Variants in NBAS observed in about 807,000 individuals in gnomAD.
The protein encoded by NBAS is NAG/BC035112 fusion.
Under a neutral mutation model 302.5 loss-of-function variants are expected in NBAS, and 219 were observed. The ratio of observed to expected loss-of-function variants is 0.72; its 90% CI spans 0.65 to 0.81. The LOEUF is 0.81. Ranked by LOEUF, NBAS falls within the 30% of genes least tolerant of loss-of-function variation. The probability of loss-of-function intolerance (pLI) is 0.00; values close to 1 mark genes in which losing one functional copy is unlikely to be tolerated. For synonymous variants in NBAS, 1,118 were observed against 1,021.6 expected (o/e 1.09, Z -1.80); for missense variants, 2,932 against 2,841.6 (o/e 1.03, Z -0.72).
chr2:15,353,849 A>G lies in NBAS; in HGVS notation c.3932-139T>C, dbSNP rs868506489. The G allele has an allele frequency of 2.3e-5, 24 of 1,030,236 alleles. No homozygotes were observed. The Middle Eastern group carries it at 8.7e-4, about 37-fold the overall frequency. The allele number at this position is 1,030,236 out of a possible 1,614,324, so 63.8% of individuals were successfully genotyped here. A position where few individuals can be genotyped will look rare whatever the true frequency, so the allele number is the denominator to read the frequency against. ...GTCATTAGTGACACATTATTTTATA[A>G]GCAGAAACAGATAAGAATCTAAGCT... On this transcript the variant is annotated intron_variant, in intron 33 of 51. Transcript: ENST00000281513.
chr2:15,548,607 C>A (rs1407595377), intron 6 of NBAS, among the ~76,000 whole-genome samples: 1 of 152,060 alleles, frequency 6.6e-6, no homozygotes, highest in Non-Finnish European at 1.5e-5. Context: ...CGCACCACTG[C>A]ACTCCAGCCT....
intron 23 of NBAS, among the ~76,000 whole-genome samples, chr2:15,422,811 T>C (rs910256647): frequency 2.0e-5 from 3 of 152,172 alleles, no homozygotes; most frequent in South Asian, 4.1e-4. Flanking sequence ...ATATAAATAC[T>C]CAAACACAGA....
the NBAS span, among the ~76,000 whole-genome samples, chr2:14,947,200 A>G: frequency 1.3e-5 from 2 of 152,104 alleles, no homozygotes; most frequent in African/African-American, 4.8e-5. Context: ...AGACTAAAAA[A>G]CAATACAGTA....
intron 38 of NBAS, among the ~76,000 whole-genome samples, chr2:15,324,661 G>A (rs545490237): frequency 4.6e-5 from 7 of 152,252 alleles, no homozygotes; most frequent in Non-Finnish European, 8.8e-5. Context: ...CCCGTTGAAG[G>A]CAGGGACAAT....
chr2:15,046,946 T>C, the NBAS span, among the ~76,000 whole-genome samples: 2 of 152,116 alleles, frequency 1.3e-5, no homozygotes, highest in East Asian at 3.9e-4. Flanking sequence ...CCAGTCAACA[T>C]CATCAGGGGA....
At chr2:15,322,168 C>T (rs1332813373) in intron 38 of NBAS, among the ~76,000 whole-genome samples, 5 of 135,652 alleles carry the variant, frequency 3.7e-5, no homozygotes, top group East Asian at 2.2e-4. Flanking sequence ...TGTTCTTACT[C>T]ATAGGTGGGA....
chr2:14,847,107 G>A, the NBAS span, among the ~76,000 whole-genome samples: 2 of 152,032 alleles, frequency 1.3e-5, no homozygotes, highest in Admixed American at 6.5e-5. Context: ...TAGACGGCCG[G>A]GCATGGTGGC....
the NBAS span, among the ~76,000 whole-genome samples, chr2:14,968,917 C>T: frequency 2.6e-5 from 4 of 152,084 alleles, no homozygotes; most frequent in Non-Finnish European, 4.4e-5. Context: ...AGTATATTTA[C>T]AATAGCCAGA....
At chr2:14,929,227 T>A in the NBAS span, among the ~76,000 whole-genome samples, 4 of 152,188 alleles carry the variant, frequency 2.6e-5, no homozygotes, top group Admixed American at 2.6e-4. Context: ...TAGGTAAGTC[T>A]TACATGCTCT....
At chr2:14,888,424 C>A in the NBAS span, among the ~76,000 whole-genome samples, 1 of 151,766 alleles carries the variant, frequency 6.6e-6, no homozygotes, top group East Asian at 1.9e-4. Context: ...AGCCACCATG[C>A]CTGGCCCTGA....
At chr2:15,016,379 CA>C in the NBAS span, among the ~76,000 whole-genome samples, 1 of 151,990 alleles carries the variant, frequency 6.6e-6, no homozygotes. Context: ...TGGTTGGGGA[CA>C]CAGACAAACT....
chr2:15,404,090 C>T (rs1352679615), intron 25 of NBAS, among the ~76,000 whole-genome samples: 1 of 152,002 alleles, frequency 6.6e-6, no homozygotes, highest in Non-Finnish European at 1.5e-5. Context: ...GTTTTGTGTG[C>T]ACTAATTCAT....
intron 21 of NBAS, among the ~76,000 whole-genome samples, chr2:15,441,049 C>T (rs569251223): frequency 1.4e-3 from 218 of 152,224 alleles, no homozygotes; most frequent in African/African-American, 4.5e-3. Context: ...CTGAAAGTGA[C>T]GGGGAGAATG....
chr2:15,134,119 A>G, the NBAS span, among the ~76,000 whole-genome samples: 22 of 148,456 alleles, frequency 1.5e-4, no homozygotes, highest in Non-Finnish European at 2.2e-4. Context: ...TCCCTCCCCA[A>G]ATTCACATGT....
intron 17 of NBAS, 116 bp downstream of exon 17, chr2:15,468,266 A>T: frequency 1.6e-6 from 2 of 1,257,618 alleles, no homozygotes; most frequent in Non-Finnish European, 2.3e-6. Flanking sequence ...GATCAAAAGC[A>T]ACTGCTTCAG....
chr2:14,808,105 C>T, the NBAS span, among the ~76,000 whole-genome samples: 1 of 152,074 alleles, frequency 6.6e-6, no homozygotes, highest in Non-Finnish European at 1.5e-5. Context: ...ACTTTTTGTG[C>T]ATCTACTTTG....
intron 22 of NBAS, among the ~76,000 whole-genome samples, chr2:15,426,931 G>T (rs1420771563): frequency 4.6e-5 from 7 of 152,086 alleles, no homozygotes; most frequent in African/African-American, 1.7e-4. Context: ...CATTTCTCCA[G>T]AAAAGAACTC....
At chr2:15,420,858 A>G (rs1173214819) in intron 23 of NBAS, among the ~76,000 whole-genome samples, 1 of 152,212 alleles carries the variant, frequency 6.6e-6, no homozygotes, top group Admixed American at 6.5e-5. Context: ...TAATGCCAAG[A>G]AAAAATGCCA....
intron 28 of NBAS, among the ~76,000 whole-genome samples, chr2:15,386,920 T>C (rs1035254217): frequency 1.3e-5 from 2 of 152,160 alleles, no homozygotes; most frequent in East Asian, 1.9e-4. Flanking sequence ...TTCATATTAA[T>C]TGAGTGTGTC....
Sources: allele counts gnomAD v4.1 joint callset (sites outside exome capture counted in the v4.1 genomes callset), GRCh38; gene constraint gnomAD v4.1.1; transcripts MANE v1.5; gene names NCBI Gene and HGNC (gene_info 2026-07-23, HGNC 2026-07-21).